Variants in MAX observed in about 807,000 individuals in gnomAD.
MAX encodes the protein protein max.
A neutral mutation model predicts 22.3 loss-of-function variants in MAX; 3 were observed. The ratio of observed to expected loss-of-function variants is 0.13; its 90% CI spans 0.06 to 0.35. The LOEUF (loss-of-function observed/expected upper bound fraction) is 0.35, where lower values mean the gene tolerates loss of function less well. Ranked by LOEUF, MAX falls within the 10% of genes least tolerant of loss-of-function variation. The pLI, the probability that MAX is intolerant of heterozygous loss-of-function variation, is 1.00. For missense variants in MAX, 119 were observed against 209.4 expected (o/e 0.57, Z 2.66); for synonymous variants, 72 against 77.7 (o/e 0.93, Z 0.39).
intron 3 of MAX, among the ~76,000 whole-genome samples, chr14:65,053,625 T>TAAAAAAAAAACAAACA (rs201558638): frequency 1.4e-5 from 2 of 146,246 alleles, no homozygotes; most frequent in African/African-American, 5.4e-5. Flanking sequence ...CTTCTTTTTT[T>TAAAAAAAAAACAAACA]TAAAAAAAAC....
chr14:65,057,089 C>T (rs1850419386), intron 3 of MAX, among the ~76,000 whole-genome samples: 1 of 152,222 alleles, frequency 6.6e-6, no homozygotes, highest in Non-Finnish European at 1.5e-5. Flanking sequence ...AGCTCACGCA[C>T]TACTGCAAGA....
chr14:65,094,243 C>A, intron 2 of MAX: 1 of 248,662 alleles, frequency 4.0e-6, no homozygotes. Flanking sequence ...AGATGGGTGT[C>A]CAGGGGAAGA....
At position 65,016,920 on chromosome 14, in the gene MAX, G is replaced by GTTTTTTT. The variant is rs34191835; in HGVS notation, c.172-10643_172-10637dup. 9.6e-4 allele frequency among the ~76,000 whole-genome samples: 110 copies of GTTTTTTT among 114,834 alleles called. 1 individual carries two copies. Among genetic ancestry groups the GTTTTTTT allele is most frequent in the Non-Finnish European group, 1.4e-3 (82 of 58,360 alleles). The allele number at this position is 114,834 out of a possible 152,430, so 75.3% of individuals were successfully genotyped here. A position where few individuals can be genotyped will look rare whatever the true frequency, so the allele number is the denominator to read the frequency against. On this transcript the variant is annotated intron_variant, in intron 3 of 3. Transcript: ENST00000341653. ...TAATTGTCAAAGAAAGGCCCACGTG[G>GTTTTTTT]TTTTTTTTTTTTTTTTTTTTGAGAC...
intron 3 of MAX, among the ~76,000 whole-genome samples, chr14:65,052,496 G>C (rs2062638989): frequency 6.6e-6 from 1 of 152,182 alleles, no homozygotes; most frequent in South Asian, 2.1e-4. Flanking sequence ...TTTCTATGCA[G>C]ATGTTTCTGC....
chr14:65,034,099 G>T (rs2062142401), intron 3 of MAX, among the ~76,000 whole-genome samples: 1 of 152,030 alleles, frequency 6.6e-6, no homozygotes, highest in Admixed American at 6.6e-5. Context: ...TTCCCAAATT[G>T]TCTGTCAGAG....
At chr14:65,017,124 T>C (rs1246802781) in intron 3 of MAX, among the ~76,000 whole-genome samples, 1 of 152,048 alleles carries the variant, frequency 6.6e-6, no homozygotes, top group African/African-American at 2.4e-5. Flanking sequence ...GCTTTCACCA[T>C]ATTGACCAGG....
At chr14:65,089,756 T>TAAAAAAAAAAAAAAAAAAAAAAAAAAAAA (rs55883101) in intron 3 of MAX, among the ~76,000 whole-genome samples, 1 of 36,096 alleles carries the variant, frequency 2.8e-5, no homozygotes, top group Non-Finnish European at 5.8e-5. Flanking sequence ...AGCATCTCTG[T>TAAAAAAAAAAAAAAAAAAAAAAAAAAAAA]AAAAAAAAAA....
In MAX at chr14:65,053,152, T is replaced by C. The variant is rs567638748; in HGVS notation, c.171+40556A>G. ...AGGAAGGGGAGCAGGAAACCTTGAC[T>C]ATTCCCCCAGGTGAGAAAGTGGAAT... On this transcript the variant is annotated intron_variant, in intron 3 of 3. Transcript: ENST00000341653. 3.8e-5 allele frequency: 41 copies of C among 1,077,128 alleles called. No individual in the cohort carries two copies. In the African/African-American group the frequency reaches 4.9e-4, roughly 13 times the overall value. 66.7% of individuals were successfully genotyped at this position (1,077,128 alleles called of 1,614,324 possible).
chr14:65,012,281 T>C lies in MAX; in HGVS notation c.172-5997A>G, dbSNP rs914185095. Reference sequence around the variant, plus strand: ...ACGTGTGTATGGTGGAAGCATAAGCTATTAGAATGGGCTTATAAACTGTTT... The same window carrying C: ...ACGTGTGTATGGTGGAAGCATAAGCCATTAGAATGGGCTTATAAACTGTTT... On this transcript the variant is annotated intron_variant, in intron 3 of 3. Transcript: ENST00000341653. The surrounding 1 kb of genome is among the most constrained non-coding windows in gnomAD (Gnocchi z 5.0). The C allele has an allele frequency of 1.2e-6, 2 of 1,612,458 alleles. No individual in the cohort carries two copies. The highest frequency in any genetic ancestry group is 3.3e-5 in the Admixed American group (2 of 60,002).
chr14:65,055,591 A>C (rs993915438), intron 3 of MAX, among the ~76,000 whole-genome samples: 7 of 151,860 alleles, frequency 4.6e-5, no homozygotes, highest in African/African-American at 1.7e-4. Context: ...ATATTGGCTC[A>C]CTGCAACCTC....
intron 3 of MAX, among the ~76,000 whole-genome samples, chr14:65,025,031 G>C (rs2061954610): frequency 6.6e-6 from 1 of 152,138 alleles, no homozygotes; most frequent in Non-Finnish European, 1.5e-5. Context: ...TAGTCAACTT[G>C]CCAATTCCTT....
chr14:65,083,049 A>G (rs2063238894), intron 3 of MAX, among the ~76,000 whole-genome samples: 2 of 152,192 alleles, frequency 1.3e-5, no homozygotes, highest in Non-Finnish European at 1.5e-5. Context: ...AGCAAAATGA[A>G]TAATGTAGAA....
downstream of MAX, among the ~76,000 whole-genome samples, chr14:65,072,255 C>T (rs920976049): frequency 1.3e-5 from 2 of 152,174 alleles, no homozygotes; most frequent in Admixed American, 6.5e-5. Context: ...TGAGTGCTGC[C>T]CCATGTCATT....
intron 1 of MAX, 77 bp from the exon 2 acceptor site, chr14:65,101,649 A>C (rs2139966607): frequency 1.7e-6 from 2 of 1,165,276 alleles, no homozygotes; most frequent in Non-Finnish European, 2.5e-6. Flanking sequence ...TAAGAAAGAA[A>C]ATGCCGGCGG....
intron 3 of MAX, among the ~76,000 whole-genome samples, chr14:65,055,022 G>A (rs149774541): frequency 6.6e-6 from 1 of 152,332 alleles, no homozygotes; most frequent in East Asian, 1.9e-4. Flanking sequence ...GTCCCAGCAG[G>A]CTCGTGATAG....
chr14:65,020,963 C>T (rs1205927667), intron 3 of MAX, among the ~76,000 whole-genome samples: 1 of 152,098 alleles, frequency 6.6e-6, no homozygotes, highest in Non-Finnish European at 1.5e-5. Context: ...CTCCTGACCT[C>T]AGGTGATACA....
At position 65,012,361 on chromosome 14, in the gene MAX, GC is replaced by G; in HGVS notation, c.172-6078del. ...AAGCACTTCCATTATCTGAAAAGAG[GC>G]CTTCGACAACTGACAGATGCCTATG... is the stretch of plus-strand genomic sequence containing the variant. On this transcript the variant is annotated intron_variant, in intron 3 of 3. Coordinates refer to the MAX transcript ENST00000341653. The surrounding 1 kb of genome is among the most constrained non-coding windows in gnomAD (Gnocchi z 5.0). The G allele has an allele frequency of 6.2e-7, 1 of 1,614,160 alleles. No individual in the cohort carries two copies.
At position 65,078,510 on chromosome 14, in the gene MAX, CTGTTGTTGTTGT is replaced by C. The variant is rs1251966714; in HGVS notation, c.172-486_172-475del. On this transcript the variant is annotated intron_variant, in intron 3 of 4. Coordinates refer to ENST00000358664, the MANE Select transcript of MAX (RefSeq NM_002382.5). The surrounding 1 kb of genome is among the most constrained non-coding windows in gnomAD (Gnocchi z 6.4). ...ACAGGTGTGAGCCACTGCGCCCAGC[CTGTTGTTGTTGT>C]TGTTGTTGTTGTTTTTTTTTTTTTG... Among the ~76,000 whole-genome samples, 1 of 148,248 alleles carries C rather than the reference CTGTTGTTGTTGT, an allele frequency of 6.7e-6. No homozygotes were observed. Among genetic ancestry groups the C allele is most frequent in the African/African-American group, 2.5e-5 (1 of 40,388 alleles).
chr14:65,086,142 CCAT>C (rs1364301093), intron 3 of MAX, among the ~76,000 whole-genome samples: 1 of 152,222 alleles, frequency 6.6e-6, no homozygotes, highest in East Asian at 1.9e-4. Flanking sequence ...TTGCCTTCCA[CCAT>C]GATTGTGAGG....
Sources: allele counts gnomAD v4.1 joint callset (sites outside exome capture counted in the v4.1 genomes callset), GRCh38; gene constraint gnomAD v4.1.1; non-coding constraint Gnocchi (gnomAD v3.1); transcripts MANE v1.5; gene names NCBI Gene and HGNC (gene_info 2026-07-23, HGNC 2026-07-21).